Variants in SLC39A11 observed in about 807,000 individuals in gnomAD.
SLC39A11 encodes the protein zinc transporter ZIP11.
A neutral mutation model predicts 36.1 loss-of-function variants in SLC39A11; 33 were observed. The observed-to-expected ratio is 0.91, with a 90% CI of 0.69 to 1.22. The LOEUF is 1.22. Among genes scored for constraint, SLC39A11 ranks in the 50% most tolerant of loss-of-function variants. The probability of loss-of-function intolerance (pLI) is 0.00; values close to 1 mark genes in which losing one functional copy is unlikely to be tolerated. For synonymous variants in SLC39A11, 166 were observed against 170.3 expected (o/e 0.97, Z 0.20); for missense variants, 432 against 430.3 (o/e 1.00, Z -0.03).
intron 4 of SLC39A11, among the ~76,000 whole-genome samples, chr17:73,010,033 T>TC (rs1381220045): frequency 6.6e-6 from 1 of 152,082 alleles, no homozygotes; most frequent in African/African-American, 2.4e-5. Flanking sequence ...GGTACTCTTC[T>TC]CCCAGATGTT....
At chr17:72,728,265 C>G (rs1199855259) in intron 7 of SLC39A11, among the ~76,000 whole-genome samples, 1 of 152,078 alleles carries the variant, frequency 6.6e-6, no homozygotes, top group African/African-American at 2.4e-5. Flanking sequence ...TGGGCAAACT[C>G]AATCTCTACA....
At chr17:72,748,416 C>A (rs987489282) in intron 6 of SLC39A11, among the ~76,000 whole-genome samples, 3 of 152,080 alleles carry the variant, frequency 2.0e-5, no homozygotes, top group African/African-American at 4.8e-5. Context: ...CCCTTTGTAA[C>A]TAAAATAACT....
chr17:72,829,545 A>G (rs2145686520), intron 6 of SLC39A11, among the ~76,000 whole-genome samples: 1 of 152,216 alleles, frequency 6.6e-6, no homozygotes, highest in Middle Eastern at 3.4e-3. Flanking sequence ...CAGGACTTTA[A>G]CTTAGAGGCA....
chr17:72,737,786 C>T (rs1011118698), intron 6 of SLC39A11, among the ~76,000 whole-genome samples: 4 of 152,066 alleles, frequency 2.6e-5, no homozygotes, highest in African/African-American at 4.8e-5. Flanking sequence ...CAGGAGCAAA[C>T]GCCCATCCCT....
intron 6 of SLC39A11, among the ~76,000 whole-genome samples, chr17:72,849,350 G>T (rs752578819): frequency 6.6e-6 from 1 of 152,218 alleles, no homozygotes; most frequent in East Asian, 1.9e-4. Context: ...CAGCAATCAT[G>T]TAACAGTTAT....
intron 7 of SLC39A11, among the ~76,000 whole-genome samples, chr17:72,718,446 A>T (rs1483799339): frequency 6.6e-6 from 1 of 152,184 alleles, no homozygotes; most frequent in Admixed American, 6.5e-5. Context: ...CTCAGGGGAA[A>T]AAAAGTGTCT....
At chr17:72,987,952 A>G (rs530269452) in intron 4 of SLC39A11, among the ~76,000 whole-genome samples, 1 of 152,228 alleles carries the variant, frequency 6.6e-6, no homozygotes, top group Non-Finnish European at 1.5e-5. Flanking sequence ...AAGAGCATCT[A>G]TAAACCAGAA....
intron 5 of SLC39A11, among the ~76,000 whole-genome samples, chr17:72,863,363 T>A (rs1478871862): frequency 6.6e-6 from 1 of 151,928 alleles, no homozygotes; most frequent in African/African-American, 2.4e-5. Flanking sequence ...TGTCAGCATA[T>A]GCAACTCACT....
chr17:72,831,683 G>A (rs145421432), intron 6 of SLC39A11, among the ~76,000 whole-genome samples: 2 of 152,314 alleles, frequency 1.3e-5, no homozygotes, highest in African/African-American at 4.8e-5. Flanking sequence ...TGAGCTTTGA[G>A]TTCATTTCTA....
chr17:72,808,587 T>C lies in SLC39A11; in HGVS notation c.601+41047A>G, dbSNP rs2567491. ...CCAGCAAATGTCCACTAGCTTGTTTTTCTATAATCCCTTGCTGCTCAGGAG... is the reference window on the plus strand; with the variant it reads ...CCAGCAAATGTCCACTAGCTTGTTTCTCTATAATCCCTTGCTGCTCAGGAG... On this transcript the variant is annotated intron_variant, in intron 6 of 9. Transcript: ENST00000255559. 4.4e-3 allele frequency among the ~76,000 whole-genome samples: 669 copies of C among 152,306 alleles called. 7 individuals carry two copies. Among genetic ancestry groups the C allele is most frequent in the African/African-American group, 0.015 (644 of 41,564 alleles).
rs138578970 is a variant in SLC39A11, at chr17:72,649,277, C to A, written c.672-9G>T. ...TTCCAATGGCCAAATTCCTGAAAAA[C>A]CAAGAAAGCACATGAAGGCTGCTGT... On this transcript the variant is annotated splice_polypyrimidine_tract_variant and intron_variant, in intron 7 of 9. Coordinates refer to ENST00000255559, the MANE Select transcript of SLC39A11 (RefSeq NM_139177.4). 85 of 1,613,214 alleles carry A rather than the reference C, an allele frequency of 5.3e-5. No individual in the cohort carries two copies. Among genetic ancestry groups the A allele is most frequent in the South Asian group, 2.0e-4 (18 of 90,886 alleles).
At chr17:72,885,014 C>T (rs1311899671) in intron 5 of SLC39A11, among the ~76,000 whole-genome samples, 1 of 152,162 alleles carries the variant, frequency 6.6e-6, no homozygotes, top group Non-Finnish European at 1.5e-5. Context: ...GACAAAGGGG[C>T]TGGAGCACTT....
At chr17:72,683,394 G>A (rs2071595005) in intron 7 of SLC39A11, among the ~76,000 whole-genome samples, 1 of 148,684 alleles carries the variant, frequency 6.7e-6, no homozygotes, top group Admixed American at 6.8e-5. Context: ...AGAGTGCAGT[G>A]GCACAGTCAC....
chr17:72,953,764 T>C (rs2452920), intron 4 of SLC39A11, among the ~76,000 whole-genome samples: 74,352 of 152,108 alleles, frequency 0.49, 19,651 homozygotes, highest in East Asian at 0.87. Context: ...CAACCTTCAA[T>C]AGGTCTTAAG....
chr17:72,815,752 C>A (rs182405189), intron 6 of SLC39A11, among the ~76,000 whole-genome samples: 1 of 152,186 alleles, frequency 6.6e-6, no homozygotes, highest in Non-Finnish European at 1.5e-5. Context: ...CGAAACCCTG[C>A]CTCTACTAAA....
At chr17:72,900,150 AAGAAAAGAAAGAAAG>A (rs2082285511) in intron 5 of SLC39A11, among the ~76,000 whole-genome samples, 2 of 70,652 alleles carry the variant, frequency 2.8e-5, no homozygotes, top group Non-Finnish European at 6.1e-5. Flanking sequence ...AAAAGAAAGA[AAGAAAAGAAAGAAAG>A]AAAGAAAGAA....
intron 7 of SLC39A11, among the ~76,000 whole-genome samples, chr17:72,678,294 T>C (rs1004507874): frequency 6.6e-6 from 1 of 151,950 alleles, no homozygotes. Flanking sequence ...TTACAACGTG[T>C]TTTTTTTCCC....
Position 73,022,260 on chromosome 17 carries a change from C to T in SLC39A11, c.306+9296G>A, listed in dbSNP as rs535235539. On this transcript the variant is annotated intron_variant, in intron 4 of 9. Transcript: ENST00000255559. ...TTCCCATCACCTAAATGCGCACTTG[C>T]AGGCATCCACAGAATGGTCAAAACT... is the stretch of plus-strand genomic sequence containing the variant. 2.4e-4 allele frequency among the ~76,000 whole-genome samples: 37 copies of T among 152,314 alleles called. 1 individual carries two copies. Among genetic ancestry groups the T allele is most frequent in the Non-Finnish European group, 3.4e-4 (23 of 68,030 alleles).
chr17:72,880,548 T>C (rs976627185), intron 5 of SLC39A11, among the ~76,000 whole-genome samples: 1 of 151,770 alleles, frequency 6.6e-6, no homozygotes, highest in South Asian at 2.1e-4. Flanking sequence ...ACTCCAGACC[T>C]GTCTCAAAAA....
Sources: gnomAD v4.1 joint callset for allele counts (sites outside exome capture counted in the v4.1 genomes callset) on GRCh38, gnomAD v4.1.1 for gene constraint, MANE v1.5 for transcripts, NCBI Gene and HGNC (gene_info 2026-07-23, HGNC 2026-07-21) for gene names.